The following PPARGC1A variants were observed in gnomAD, a reference collection of about 807,000 sequenced individuals.
The protein encoded by PPARGC1A is PPARG coactivator 1 alpha, also known as peroxisome proliferator-activated receptor gamma coactivator 1-alpha.
A neutral mutation model predicts 88.7 loss-of-function variants in PPARGC1A; 25 were observed. The ratio of observed to expected loss-of-function variants is 0.28; its 90% CI spans 0.21 to 0.39. The LOEUF (loss-of-function observed/expected upper bound fraction) is 0.39. Ranked by LOEUF, PPARGC1A falls within the 10% of genes least tolerant of loss-of-function variation. The probability of loss-of-function intolerance (pLI) is 1.00; values close to 1 mark genes in which losing one functional copy is unlikely to be tolerated. For synonymous variants in PPARGC1A, 363 were observed against 355.6 expected, an observed-to-expected ratio of 1.02 and a Z score of -0.24; for missense variants, 880 against 968.7, an observed-to-expected ratio of 0.91 and a Z score of 1.22.
At chr4:24,362,026 A>G in the PPARGC1A span, among the ~76,000 whole-genome samples, 4 of 152,236 alleles carry the variant, frequency 2.6e-5, no homozygotes, top group African/African-American at 7.2e-5. Context: ...CTATCAAAAT[A>G]AAACCTTAAG....
At chr4:24,003,427 A>C in the PPARGC1A span, among the ~76,000 whole-genome samples, 1 of 152,212 alleles carries the variant, frequency 6.6e-6, no homozygotes, top group Non-Finnish European at 1.5e-5. Context: ...AGGACGAAAA[A>C]AATGTGCAGT....
the PPARGC1A span, among the ~76,000 whole-genome samples, chr4:24,045,179 T>C: frequency 1.4e-4 from 21 of 152,218 alleles, 1 homozygote; most frequent in African/African-American, 4.8e-5. Flanking sequence ...GCAAGTTTCT[T>C]AATTCATCAA....
chr4:24,130,568 TG>T, the PPARGC1A span, among the ~76,000 whole-genome samples: 1 of 152,106 alleles, frequency 6.6e-6, no homozygotes, highest in Non-Finnish European at 1.5e-5. Flanking sequence ...TTACATAACT[TG>T]TTTGATGAAA....
At chr4:23,979,914 T>G in the PPARGC1A span, among the ~76,000 whole-genome samples, 1 of 152,094 alleles carries the variant, frequency 6.6e-6, no homozygotes. Flanking sequence ...GAACCATCCC[T>G]CTCTCTATGA....
chr4:24,388,721 A>G, the PPARGC1A span, among the ~76,000 whole-genome samples: 3 of 152,184 alleles, frequency 2.0e-5, no homozygotes, highest in African/African-American at 7.2e-5. Flanking sequence ...ACACAGGAAC[A>G]GAAAATCAAA....
intron 2 of PPARGC1A, among the ~76,000 whole-genome samples, chr4:23,872,717 A>G (rs1713666920): frequency 6.6e-6 from 1 of 152,182 alleles, no homozygotes; most frequent in African/African-American, 2.4e-5. Context: ...TTTACTTTTA[A>G]CCACTGTATC....
the PPARGC1A span, among the ~76,000 whole-genome samples, chr4:24,304,685 C>T: frequency 4.6e-5 from 7 of 152,144 alleles, no homozygotes; most frequent in East Asian, 1.9e-4. Context: ...TTTCACTGAC[C>T]GAATCAGGAC....
At chr4:24,379,756 T>C in the PPARGC1A span, among the ~76,000 whole-genome samples, 2 of 151,638 alleles carry the variant, frequency 1.3e-5, no homozygotes, top group East Asian at 3.9e-4. Flanking sequence ...TTTTATTTCT[T>C]TCTTTGAACT....
At chr4:24,189,142 G>A in the PPARGC1A span, among the ~76,000 whole-genome samples, 1 of 152,040 alleles carries the variant, frequency 6.6e-6, no homozygotes, top group East Asian at 1.9e-4. Context: ...CAGGGGTTAG[G>A]GGTTGCAGGG....
the PPARGC1A span, among the ~76,000 whole-genome samples, chr4:24,076,919 A>G: frequency 6.6e-6 from 1 of 152,082 alleles, no homozygotes; most frequent in South Asian, 2.1e-4. Flanking sequence ...CCGCTGAACT[A>G]TGGAGTGTGT....
At chr4:24,120,375 G>A in the PPARGC1A span, among the ~76,000 whole-genome samples, 2 of 152,124 alleles carry the variant, frequency 1.3e-5, no homozygotes, top group African/African-American at 4.8e-5. Context: ...TGCAAACTCT[G>A]GCAGAGACAA....
the PPARGC1A span, among the ~76,000 whole-genome samples, chr4:24,155,835 T>G: frequency 1.3e-5 from 2 of 152,116 alleles, no homozygotes; most frequent in Admixed American, 1.3e-4. Context: ...CATAATGAGT[T>G]GGTCACCCAA....
At chr4:24,237,005 A>T in the PPARGC1A span, among the ~76,000 whole-genome samples, 247 of 152,336 alleles carry the variant, frequency 1.6e-3, no homozygotes, top group Non-Finnish European at 2.9e-3. Flanking sequence ...GCAGGAAATT[A>T]TAGATCTTAT....
At chr4:24,034,863 A>G in the PPARGC1A span, among the ~76,000 whole-genome samples, 1 of 152,220 alleles carries the variant, frequency 6.6e-6, no homozygotes, top group African/African-American at 2.4e-5. Context: ...ACAGTCATCG[A>G]CAGCTGGTCT....
the PPARGC1A span, among the ~76,000 whole-genome samples, chr4:24,162,591 C>CTT: frequency 1.2e-3 from 149 of 128,006 alleles, 2 homozygotes; most frequent in Middle Eastern, 8.5e-3. Flanking sequence ...TCCTTACTTC[C>CTT]TTTTTTTTTT....
At chr4:24,125,436 C>T in the PPARGC1A span, among the ~76,000 whole-genome samples, 1 of 152,116 alleles carries the variant, frequency 6.6e-6, no homozygotes, top group East Asian at 1.9e-4. Context: ...CCTAGCTCCA[C>T]ACCCCAAAGC....
At chr4:24,225,246 T>C in the PPARGC1A span, among the ~76,000 whole-genome samples, 13 of 152,272 alleles carry the variant, frequency 8.5e-5, no homozygotes, top group East Asian at 2.5e-3. Context: ...GCTAACAGGC[T>C]TGGACCACAG....
chr4:23,871,674 T>G (rs541308568), intron 2 of PPARGC1A, among the ~76,000 whole-genome samples: 1 of 152,078 alleles, frequency 6.6e-6, no homozygotes, highest in Non-Finnish European at 1.5e-5. Flanking sequence ...CCAGGAGAAC[T>G]ATGTCTGGAA....
chr4:24,240,600 T>C, the PPARGC1A span, among the ~76,000 whole-genome samples: 12,364 of 152,280 alleles, frequency 0.081, 598 homozygotes, highest in African/African-American at 0.12. Flanking sequence ...GCTACAAGGC[T>C]GAGGTAAACA....
Sources: gnomAD v4.1 joint callset for allele counts (sites outside exome capture counted in the v4.1 genomes callset) on GRCh38, gnomAD v4.1.1 for gene constraint, MANE v1.5 for transcripts, NCBI Gene and HGNC (gene_info 2026-07-23, HGNC 2026-07-21) for gene names.